The following TRAPPC10 variants were observed in gnomAD, a reference collection of about 807,000 sequenced individuals.
The protein encoded by TRAPPC10 is trafficking protein particle complex subunit 10.
TRAPPC10 carries 23 observed loss-of-function variants against 125.5 expected under a neutral mutation model. The observed-to-expected ratio is 0.18, with a 90% CI of 0.13 to 0.26. The LOEUF (loss-of-function observed/expected upper bound fraction) is 0.26. TRAPPC10 is among the 10% of genes least tolerant of loss of function. The pLI is 1.00. For missense variants in TRAPPC10, 1,123 were observed against 1,308.4 expected (o/e 0.86, Z 2.19); for synonymous variants, 509 against 518.0 (o/e 0.98, Z 0.24).
In TRAPPC10 at chr21:44,081,016, TC is replaced by T. The variant is rs371637341; in HGVS notation, c.1723+890del. ...TCAATATTATTGTTCTTTTTTTTTT[TC>T]TTTTTTTTTTTTTTTTTTTTGACTA... On this transcript the variant is annotated intron_variant, in intron 13 of 22. Coordinates refer to ENST00000291574, the MANE Select transcript of TRAPPC10 (RefSeq NM_003274.5). Among the ~76,000 whole-genome samples the T allele has an allele frequency of 7.0e-3, 653 of 93,660 alleles. 1 individual carries two copies. The highest frequency in any genetic ancestry group is 0.019 in the African/African-American group (203 of 10,966). The allele number at this position is 93,660 out of a possible 152,430, so 61.4% of individuals were successfully genotyped here.
chr21:44,016,888 C>G (rs561206866), intron 1 of TRAPPC10, among the ~76,000 whole-genome samples: 113 of 152,182 alleles, frequency 7.4e-4, no homozygotes, highest in Non-Finnish European at 1.3e-3. Flanking sequence ...TTGATCTGAC[C>G]TTGTGATCTG....
intron 13 of TRAPPC10, among the ~76,000 whole-genome samples, chr21:44,080,470 T>C (rs2037610838): frequency 6.6e-6 from 1 of 152,226 alleles, no homozygotes; most frequent in South Asian, 2.1e-4. Context: ...ATATCACATA[T>C]TACATGTGGT....
chr21:44,089,828 C>T lies in TRAPPC10; in HGVS notation c.2770-5C>T. 6.2e-7 allele frequency: 1 copy of T among 1,612,656 alleles called. No homozygotes were observed. The highest frequency in any genetic ancestry group is 1.7e-5 in the Admixed American group (1 of 59,980). ...TCTGAGAGTGTCTTTGTGCTTCCTCCTCAGGTGTCGATTGACTGCCCGTGG... is the reference window on the plus strand; with the variant it reads ...TCTGAGAGTGTCTTTGTGCTTCCTCTTCAGGTGTCGATTGACTGCCCGTGG... On this transcript the variant is annotated splice_polypyrimidine_tract_variant and splice_region_variant and intron_variant, in intron 17 of 22. Transcript: ENST00000291574.
chr21:44,081,912 TG>T (rs1425027584), intron 13 of TRAPPC10, among the ~76,000 whole-genome samples: 1 of 151,924 alleles, frequency 6.6e-6, no homozygotes, highest in Non-Finnish European at 1.5e-5. Context: ...TCCATGTGGG[TG>T]GGTTTCTCGG....
Position 44,063,510 on chromosome 21 carries a change from G to T in TRAPPC10, c.791-28G>T, listed in dbSNP as rs779864558. 2.5e-6 allele frequency: 4 copies of T among 1,609,630 alleles called. No homozygotes were observed. The African/African-American group carries it at 5.3e-5, about 22-fold the overall frequency. On this transcript the variant is annotated intron_variant, in intron 6 of 22. Transcript: ENST00000291574. This position sits in a 1 kb window ranked among gnomAD's most constrained non-coding sequence, Gnocchi z 4.4. ...CAGGAAGGTGAAGTACCTGCAATCA[G>T]CACCTTTCATGATGTGTGTTTGTTT...
intron 1 of TRAPPC10, among the ~76,000 whole-genome samples, chr21:44,025,237 T>C (rs760848072): frequency 6.6e-6 from 1 of 152,146 alleles, no homozygotes; most frequent in African/African-American, 2.4e-5. Flanking sequence ...GCTTGCACCA[T>C]TGGGAAACTG....
chr21:44,066,961 C>G (rs943948584), intron 7 of TRAPPC10, among the ~76,000 whole-genome samples: 2 of 152,150 alleles, frequency 1.3e-5, no homozygotes, highest in Admixed American at 1.3e-4. Context: ...ATTAGAAGAA[C>G]GGGGAAGATA....
intron 1 of TRAPPC10, among the ~76,000 whole-genome samples, chr21:44,022,635 A>G (rs548071620): frequency 2.0e-5 from 3 of 151,952 alleles, no homozygotes; most frequent in African/African-American, 4.8e-5. Flanking sequence ...CTTAATACCA[A>G]ATATTCAGTG....
chr21:44,051,493 C>G (rs1278009053), intron 3 of TRAPPC10, among the ~76,000 whole-genome samples: 1 of 152,198 alleles, frequency 6.6e-6, no homozygotes, highest in Non-Finnish European at 1.5e-5. Context: ...TAAGTGATAA[C>G]AGGCAAAGTG....
intron 3 of TRAPPC10, among the ~76,000 whole-genome samples, chr21:44,049,008 C>A (rs2035055849): frequency 6.6e-6 from 1 of 152,070 alleles, no homozygotes; most frequent in South Asian, 2.1e-4. Context: ...TGTACTGATT[C>A]TTTGAGTACT....
In TRAPPC10 at chr21:44,027,570, T is replaced by C. The variant is rs187538021; in HGVS notation, c.68-4521T>C. ...GCTACCTGGGTTCGAATCCCAGCCT[T>C]GGCGCTCATTTGCTTGATGTTGGGC... On this transcript the variant is annotated intron_variant, in intron 1 of 22. Transcript: ENST00000291574. 3.6e-3 allele frequency among the ~76,000 whole-genome samples: 544 copies of C among 152,290 alleles called. 3 individuals are homozygous for C. The highest frequency in any genetic ancestry group is 0.011 in the African/African-American group (457 of 41,554).
chr21:44,046,984 G>A (rs998178973), intron 3 of TRAPPC10: 17 of 812,334 alleles, frequency 2.1e-5, no homozygotes, highest in African/African-American at 1.0e-4. Flanking sequence ...CTCTGCGAGC[G>A]GGAAACCGCC....
chr21:44,075,637 T>C lies in TRAPPC10; in HGVS notation c.1300+484T>C, dbSNP rs184439546. Among the ~76,000 whole-genome samples the C allele has an allele frequency of 7.8e-4, 119 of 152,238 alleles. 1 individual carries two copies. The East Asian group carries it at 0.023, about 29-fold the overall frequency. ...GGTAGCTGGGACTACAGGTGTGTGC[T>C]ACCATACTTGGCTAATTTTTTAATT... is the stretch of plus-strand genomic sequence containing the variant. On this transcript the variant is annotated intron_variant, in intron 9 of 22. Transcript: ENST00000291574.
At chr21:44,026,097 G>T (rs1329265042) in intron 1 of TRAPPC10, among the ~76,000 whole-genome samples, 1 of 152,070 alleles carries the variant, frequency 6.6e-6, no homozygotes, top group Admixed American at 6.6e-5. Context: ...TGCTAGAAAT[G>T]TGGAGTTAGT....
At chr21:44,039,336 C>T (rs548202659) in intron 3 of TRAPPC10, among the ~76,000 whole-genome samples, 2 of 152,364 alleles carry the variant, frequency 1.3e-5, no homozygotes, top group Admixed American at 1.3e-4. Context: ...CAGGTTGTCC[C>T]AGATTTGGCC....
chr21:44,073,134 A>G (rs372074900), intron 7 of TRAPPC10, among the ~76,000 whole-genome samples: 2 of 152,050 alleles, frequency 1.3e-5, no homozygotes, highest in Non-Finnish European at 2.9e-5. Flanking sequence ...TTTTTTTCCC[A>G]AAAGGTTTAA....
chr21:44,060,287 T>C (rs1406201127), intron 6 of TRAPPC10: 2 of 151,162 alleles, frequency 1.3e-5, no homozygotes, highest in Non-Finnish European at 3.0e-5. Context: ...TTTTTTTTTT[T>C]TTTTTTGAAA....
chr21:44,072,790 G>A (rs2036976309), intron 7 of TRAPPC10, among the ~76,000 whole-genome samples: 1 of 152,200 alleles, frequency 6.6e-6, no homozygotes, highest in South Asian at 2.1e-4. Flanking sequence ...TCTGTCACCA[G>A]TGTGTGCCCA....
intron 19 of TRAPPC10, among the ~76,000 whole-genome samples, chr21:44,093,813 TG>T (rs1410637786): frequency 1.3e-5 from 2 of 152,210 alleles, no homozygotes; most frequent in African/African-American, 4.8e-5. Context: ...ATAAAACTTA[TG>T]GTATCATAAA....
Sources: allele counts gnomAD v4.1 joint callset (sites outside exome capture counted in the v4.1 genomes callset), GRCh38; gene constraint gnomAD v4.1.1; non-coding constraint Gnocchi (gnomAD v3.1); transcripts MANE v1.5; gene names NCBI Gene and HGNC (gene_info 2026-07-23, HGNC 2026-07-21).